The following TMEM17 variants were observed in gnomAD, a reference collection of about 807,000 sequenced individuals.
TMEM17 encodes the protein transmembrane protein 17.
TMEM17 carries 15 observed loss-of-function variants against 19.1 expected under a neutral mutation model. The observed-to-expected ratio is 0.78, with a 90% CI of 0.52 to 1.21. TMEM17 has a LOEUF of 1.21. Ranked by LOEUF, TMEM17 falls within the 50% of genes most tolerant of loss-of-function variation. The pLI is 0.00. For missense variants in TMEM17, 245 were observed against 242.3 expected, an observed-to-expected ratio of 1.01 and a Z score of -0.07; for synonymous variants, 103 against 86.9, an observed-to-expected ratio of 1.19 and a Z score of -1.03.
the TMEM17 span, among the ~76,000 whole-genome samples, chr2:62,459,616 TACAA>T: frequency 1.3e-5 from 2 of 152,264 alleles, no homozygotes; most frequent in Admixed American, 1.3e-4. Flanking sequence ...TAACTTATTT[TACAA>T]ACAAACTGTA....
Position 62,506,081 on chromosome 2 carries a change from C to T in TMEM17, c.49G>A (p.Ala17Thr), listed in dbSNP as rs199885237. Residue 17 changes from alanine to threonine, a missense_variant, in exon 1 of 4, where the codon GCC (alanine) becomes ACC (threonine). Transcript: ENST00000335390. The stretch of plus-strand genomic sequence containing the variant: ...GTCCGATTGGAATCACTGAACACGG[C>T]CCGGCTGAAGTTTCCCAGCCGCTGG... ...VRQRLGNFSRAVFSDSNRTGP... is the reference protein window; with the variant it reads ...VRQRLGNFSRTVFSDSNRTGP... 8.1e-6 allele frequency: 13 copies of T among 1,610,602 alleles called. No individual in the cohort carries two copies. In the East Asian group the frequency reaches 2.7e-4, roughly 33 times the overall value.
chr2:62,477,372 G>C, the TMEM17 span, among the ~76,000 whole-genome samples: 1 of 148,740 alleles, frequency 6.7e-6, no homozygotes, highest in Non-Finnish European at 1.5e-5. Flanking sequence ...ACTCCAGCCT[G>C]GGCGACAGAG....
downstream of TMEM17, among the ~76,000 whole-genome samples, chr2:62,499,031 A>G (rs7425836): frequency 0.12 from 18,876 of 152,216 alleles, 1,344 homozygotes; most frequent in Non-Finnish European, 0.16. Context: ...CCATGGTTTT[A>G]TTGTTCAGAT....
chr2:62,494,544 C>G, the TMEM17 span, among the ~76,000 whole-genome samples: 1 of 152,016 alleles, frequency 6.6e-6, no homozygotes, highest in African/African-American at 2.4e-5. Context: ...TAATATTGAG[C>G]AGTGTCTCTA....
the TMEM17 span, among the ~76,000 whole-genome samples, chr2:62,486,310 C>CA: frequency 0.061 from 9,266 of 152,166 alleles, 398 homozygotes; most frequent in Middle Eastern, 0.088. Context: ...GGCTCTGATC[C>CA]ACCTTTGGAA....
At chr2:62,464,850 A>G in the TMEM17 span, among the ~76,000 whole-genome samples, 1 of 151,896 alleles carries the variant, frequency 6.6e-6, no homozygotes, top group Non-Finnish European at 1.5e-5. Flanking sequence ...TCAGTTCCTG[A>G]GTGGGGTAGA....
chr2:62,502,108 C>G (rs1005021069), intron 3 of TMEM17: 2 of 173,148 alleles, frequency 1.2e-5, no homozygotes, highest in South Asian at 3.1e-4. Context: ...TCCAAATACA[C>G]ATGTTTAAGT....
intron 2 of TMEM17, 31 bp downstream of exon 2, chr2:62,502,660 G>T: frequency 6.5e-7 from 1 of 1,536,034 alleles, no homozygotes; most frequent in South Asian, 1.2e-5. Flanking sequence ...AACAACGTCA[G>T]GGCAGCAAAA....
the TMEM17 span, among the ~76,000 whole-genome samples, chr2:62,468,145 C>T: frequency 2.0e-5 from 3 of 152,102 alleles, no homozygotes; most frequent in Non-Finnish European, 4.4e-5. Context: ...CCCCTTTCCA[C>T]TTCACCCCTG....
At position 62,505,977 on chromosome 2, in the gene TMEM17, C is replaced by T. The variant is rs540368812; in HGVS notation, c.100+53G>A. On this transcript the variant is annotated intron_variant, in intron 1 of 3. Transcript: ENST00000335390. ...GGCAAATTCTGGACGCTCCAAAATC[C>T]ACGCCAAGCCCTCGGCAGGCCACAC... 4.6e-5 allele frequency: 70 copies of T among 1,517,298 alleles called. No individual in the cohort carries two copies. In the South Asian group the frequency reaches 6.9e-4, roughly 15 times the overall value. The allele number at this position is 1,517,298 out of a possible 1,614,324, so 94.0% of individuals were successfully genotyped here.
At chr2:62,488,742 G>A in the TMEM17 span, among the ~76,000 whole-genome samples, 49 of 149,554 alleles carry the variant, frequency 3.3e-4, no homozygotes, top group Middle Eastern at 0.011. Flanking sequence ...GGATTTAAAA[G>A]GTTTACACTG....
chr2:62,480,493 A>G, the TMEM17 span, among the ~76,000 whole-genome samples: 1 of 152,114 alleles, frequency 6.6e-6, no homozygotes, highest in Non-Finnish European at 1.5e-5. Context: ...CTTTGCCCAG[A>G]TCAATGTTCT....
intron 1 of TMEM17, among the ~76,000 whole-genome samples, chr2:62,505,465 C>CT (rs200321987): frequency 2.9e-5 from 4 of 136,920 alleles, no homozygotes; most frequent in African/African-American, 2.7e-5. Flanking sequence ...GACTCATTAA[C>CT]TTTTTTTTTT....
the TMEM17 span, among the ~76,000 whole-genome samples, chr2:62,475,370 C>T: frequency 6.6e-6 from 1 of 152,240 alleles, no homozygotes; most frequent in East Asian, 1.9e-4. Context: ...CGAGAGGGAC[C>T]GCTGAGTGCG....
intron 1 of TMEM17, among the ~76,000 whole-genome samples, chr2:62,504,054 C>G (rs777745925): frequency 7.2e-5 from 11 of 152,164 alleles, no homozygotes; most frequent in Non-Finnish European, 4.4e-5. Context: ...TTTAAAGGCT[C>G]TAAAATAAAT....
chr2:62,463,187 A>T, the TMEM17 span: 1 of 152,196 alleles, frequency 6.6e-6, no homozygotes, highest in South Asian at 2.1e-4. Flanking sequence ...CACACAGGAA[A>T]ATCAAGTGGT....
At chr2:62,462,625 G>A in the TMEM17 span, among the ~76,000 whole-genome samples, 35 of 152,310 alleles carry the variant, frequency 2.3e-4, 2 homozygotes, top group Admixed American at 2.2e-3. Context: ...ATCAGGGGAA[G>A]CACTTGAGCT....
chr2:62,502,842 C>G, intron 1 of TMEM17, 48 bp from the exon 2 acceptor site: 1 of 1,173,134 alleles, frequency 8.5e-7, no homozygotes, highest in Non-Finnish European at 1.2e-6. Flanking sequence ...TGGGTTTATG[C>G]CCTATATATA....
chr2:62,464,797 G>C, the TMEM17 span, among the ~76,000 whole-genome samples: 2 of 152,174 alleles, frequency 1.3e-5, no homozygotes, highest in Non-Finnish European at 2.9e-5. Flanking sequence ...GGTTGGGCCA[G>C]AGATGAAATC....
Sources: gnomAD v4.1 joint callset for allele counts (sites outside exome capture counted in the v4.1 genomes callset) on GRCh38, gnomAD v4.1.1 for gene constraint, MANE v1.5 for transcripts, NCBI Gene and HGNC (gene_info 2026-07-23, HGNC 2026-07-21) for gene names.